Variants in PDE1C observed in about 807,000 individuals in gnomAD.
PDE1C encodes the protein dual specificity calcium/calmodulin-dependent 3',5'-cyclic nucleotide phosphodiesterase 1C.
PDE1C carries 62 observed loss-of-function variants against 93.1 expected under a neutral mutation model. The observed-to-expected ratio is 0.67, with a 90% CI of 0.54 to 0.82. PDE1C has a LOEUF of 0.82. Ranked by LOEUF, PDE1C falls within the 40% of genes least tolerant of loss-of-function variation. PDE1C has a pLI of 0.00. For synonymous variants in PDE1C, 325 were observed against 310.1 expected (o/e 1.05, Z -0.50); for missense variants, 742 against 884.6 (o/e 0.84, Z 2.04).
intron 1 of PDE1C, among the ~76,000 whole-genome samples, chr7:32,407,305 A>T (rs1263343368): frequency 6.6e-6 from 1 of 152,124 alleles, no homozygotes; most frequent in Non-Finnish European, 1.5e-5. Context: ...CAGAGAGAGG[A>T]AAAAGTTGTC....
At chr7:31,778,220 G>A (rs1421789638) in intron 16 of PDE1C, among the ~76,000 whole-genome samples, 1 of 152,094 alleles carries the variant, frequency 6.6e-6, no homozygotes, top group Non-Finnish European at 1.5e-5. Flanking sequence ...GATGCCCGTC[G>A]CATTGTATCT....
At chr7:32,169,455 T>TTA (rs1177154289) in intron 3 of PDE1C, among the ~76,000 whole-genome samples, 1 of 152,202 alleles carries the variant, frequency 6.6e-6, no homozygotes, top group African/African-American at 2.4e-5. Context: ...CTCTATGCCC[T>TTA]TATCTGGATG....
intron 1 of PDE1C, among the ~76,000 whole-genome samples, chr7:32,057,403 G>A (rs1052694967): frequency 1.1e-4 from 16 of 152,188 alleles, no homozygotes; most frequent in African/African-American, 3.4e-4. Context: ...GTGTGTGTGC[G>A]TGCACTTGTG....
Position 32,035,564 on chromosome 7 carries a change from A to T in PDE1C, c.128+15990T>A, listed in dbSNP as rs530290158. Among the ~76,000 whole-genome samples, 6 of 152,336 alleles carry T rather than the reference A, an allele frequency of 3.9e-5. No homozygotes were observed. The East Asian group carries it at 1.2e-3, about 29-fold the overall frequency. ...AATTTAAAAGGAAGAGAATAAAGAAATTATATTTTCTGATCAACGTTTGTT... is the reference window on the plus strand; with the variant it reads ...AATTTAAAAGGAAGAGAATAAAGAATTTATATTTTCTGATCAACGTTTGTT... On this transcript the variant is annotated intron_variant, in intron 2 of 17. Coordinates refer to ENST00000396191, the MANE Select transcript of PDE1C (RefSeq NM_001191057.4).
At chr7:32,022,737 A>C (rs1016454545) in intron 2 of PDE1C, among the ~76,000 whole-genome samples, 4 of 152,012 alleles carry the variant, frequency 2.6e-5, no homozygotes, top group Non-Finnish European at 5.9e-5. Flanking sequence ...ATTGCAAATT[A>C]CACCTCTATC....
intron 2 of PDE1C, among the ~76,000 whole-genome samples, chr7:32,201,245 C>A (rs140503025): frequency 6.6e-6 from 1 of 152,224 alleles, no homozygotes; most frequent in African/African-American, 2.4e-5. Context: ...AGGTTATCCT[C>A]GTCTGTCTCT....
At position 32,306,284 on chromosome 7, in the gene PDE1C, T is replaced by C. The variant is rs186536889; in HGVS notation, c.311-96745A>G. Among the ~76,000 whole-genome samples, 7 of 152,292 alleles carry C rather than the reference T, an allele frequency of 4.6e-5. No homozygotes were observed. The East Asian group carries it at 1.3e-3, about 29-fold the overall frequency. On this transcript the variant is annotated intron_variant, in intron 1 of 1. Transcript: ENST00000672256. ...CCGTAAATTGGGTTCCTGGTCATAATACTTCCAGAATATTATCAAAGCCTC... is the reference window on the plus strand; with the variant it reads ...CCGTAAATTGGGTTCCTGGTCATAACACTTCCAGAATATTATCAAAGCCTC...
At chr7:31,772,548 C>T (rs1315118271) in intron 17 of PDE1C, among the ~76,000 whole-genome samples, 5 of 151,320 alleles carry the variant, frequency 3.3e-5, no homozygotes, top group Non-Finnish European at 7.4e-5. Context: ...TTGTTTGTCT[C>T]TGGCACCAGT....
At chr7:32,334,225 G>A (rs1013750500) in intron 1 of PDE1C, among the ~76,000 whole-genome samples, 9 of 152,112 alleles carry the variant, frequency 5.9e-5, no homozygotes, top group African/African-American at 2.2e-4. Context: ...AACTTCAATT[G>A]CAATTATATA....
At chr7:31,660,714 T>A in the PDE1C span, among the ~76,000 whole-genome samples, 1 of 152,146 alleles carries the variant, frequency 6.6e-6, no homozygotes, top group South Asian at 2.1e-4. Context: ...TGGTGTTTTT[T>A]ATGTTCCTTT....
chr7:32,364,228 T>G (rs1784188492), intron 1 of PDE1C, among the ~76,000 whole-genome samples: 1 of 152,146 alleles, frequency 6.6e-6, no homozygotes. Context: ...ATTCTCAAAG[T>G]GATATTAATT....
chr7:32,078,638 G>C (rs959380007), intron 3 of PDE1C, among the ~76,000 whole-genome samples: 1 of 152,128 alleles, frequency 6.6e-6, no homozygotes, highest in African/African-American at 2.4e-5. Flanking sequence ...TTAAAGTTTA[G>C]GCTTGGCCAG....
Position 32,250,685 on chromosome 7 carries a change from G to T in PDE1C, c.86-41146C>A, listed in dbSNP as rs141705539. Among the ~76,000 whole-genome samples the T allele has an allele frequency of 1.9e-3, 286 of 152,278 alleles. 1 individual carries two copies. Among genetic ancestry groups the T allele is most frequent in the Non-Finnish European group, 3.2e-3 (221 of 68,028 alleles). On this transcript the variant is annotated intron_variant, in intron 1 of 18. Transcript: ENST00000396193. The stretch of plus-strand genomic sequence containing the variant: ...TACCACTCAGCTCAGAAGCAACAGC[G>T]CACAGCCCCACCATAAGCACACCCA...
chr7:31,964,645 G>T (rs1329526211), intron 2 of PDE1C, among the ~76,000 whole-genome samples: 1 of 152,216 alleles, frequency 6.6e-6, no homozygotes, highest in Non-Finnish European at 1.5e-5. Context: ...TCTGAGAACG[G>T]GCAGACTGCC....
chr7:31,827,429 C>CA (rs2128746178), intron 12 of PDE1C, among the ~76,000 whole-genome samples: 1 of 152,256 alleles, frequency 6.6e-6, no homozygotes, highest in South Asian at 2.1e-4. Flanking sequence ...TCTACCTTGG[C>CA]ATTATAACAT....
rs562165782 is a variant in PDE1C at position 32,265,358 on chromosome 7, A to C, written c.85+33293T>G. On this transcript the variant is annotated intron_variant, in intron 1 of 18. Transcript: ENST00000396193. ...ATCCAACTGTCCCCCAGCCATAGTG[A>C]TTGGTTCAAGGATGGGCACATGATC... Among the ~76,000 whole-genome samples, 3 of 152,302 alleles carry C rather than the reference A, an allele frequency of 2.0e-5. No homozygotes were observed. The East Asian group carries it at 5.8e-4, about 29-fold the overall frequency.
chr7:32,223,905 G>A (rs1046627718), intron 1 of PDE1C, among the ~76,000 whole-genome samples: 11 of 152,106 alleles, frequency 7.2e-5, no homozygotes, highest in Non-Finnish European at 2.9e-5. Context: ...ATGACAAAAC[G>A]CTGCACAATG....
intron 16 of PDE1C, among the ~76,000 whole-genome samples, chr7:31,795,473 C>A (rs918784882): frequency 6.6e-6 from 1 of 151,780 alleles, no homozygotes; most frequent in African/African-American, 2.4e-5. Context: ...AATTTTAATT[C>A]CCTCTGTCAA....
chr7:32,367,506 C>A lies in PDE1C; in HGVS notation c.310+60316G>T, dbSNP rs1209513807. Among the ~76,000 whole-genome samples, 11 of 152,126 alleles carry A rather than the reference C, an allele frequency of 7.2e-5. 1 individual carries two copies. The highest frequency in any genetic ancestry group is 7.2e-4 in the Admixed American group (11 of 15,270). ...AAAGAAGAAACCAACAATATGCTGC[C>A]TACAAGAAACTCACCTCACCTGTAA... On this transcript the variant is annotated intron_variant, in intron 1 of 1. Coordinates refer to the PDE1C transcript ENST00000672256.
Sources: gnomAD v4.1 joint callset for allele counts (sites outside exome capture counted in the v4.1 genomes callset) on GRCh38, gnomAD v4.1.1 for gene constraint, MANE v1.5 for transcripts, NCBI Gene and HGNC (gene_info 2026-07-23, HGNC 2026-07-21) for gene names.